PCDHB7: variants seen among roughly 807,000 people sequenced by gnomAD.
The protein encoded by PCDHB7 is protocadherin beta-7.
For missense variants in PCDHB7, 1,148 were observed against 1,011.6 expected (o/e 1.13, Z -1.83); for synonymous variants, 542 against 463.1 (o/e 1.17, Z -2.19).
rs1484163115 is a variant in PCDHB7, at chr5:141,176,003, T to C, written c.*786T>C. The C allele has an allele frequency of 6.0e-6, 1 of 167,272 alleles. No homozygotes were observed. The highest frequency in any genetic ancestry group is 1.5e-5 in the Non-Finnish European group (1 of 68,228). The allele number at this position is 167,272 out of a possible 1,614,324, so 10.4% of individuals were successfully genotyped here. A position where few individuals can be genotyped will look rare whatever the true frequency, so the allele number is the denominator to read the frequency against. ...TTTTCAACTATTATTACTAATGCTCTGATCTGTCCAAACTCAAGCGGAAAA... is the reference window on the plus strand; with the variant it reads ...TTTTCAACTATTATTACTAATGCTCCGATCTGTCCAAACTCAAGCGGAAAA... On this transcript the variant is annotated 3_prime_UTR_variant, in exon 1 of 1. Coordinates refer to ENST00000231137, the MANE Select transcript of PCDHB7 (RefSeq NM_018940.4).
Position 141,175,600 on chromosome 5 carries a change from T to A in PCDHB7, c.*383T>A, listed in dbSNP as rs1222067145. ...TGTAGAGTATCTTTTTAAGCATTTT[T>A]AAAAAATGCTTTTAATGCATCATAC... is the stretch of plus-strand genomic sequence containing the variant. On this transcript the variant is annotated 3_prime_UTR_variant, in exon 1 of 1. Transcript: ENST00000231137. 5 of 225,146 alleles carry A rather than the reference T, an allele frequency of 2.2e-5. No homozygotes were observed. Among genetic ancestry groups the A allele is most frequent in the East Asian group, 1.4e-4 (1 of 7,006 alleles). The allele number at this position is 225,146 out of a possible 1,614,324, so 13.9% of individuals were successfully genotyped here. A position where few individuals can be genotyped will look rare whatever the true frequency, so the allele number is the denominator to read the frequency against.
In PCDHB7 at chr5:141,174,058, C is replaced by T. The variant is rs1554280140; in HGVS notation, c.1223C>T (p.Pro408Leu). 1 of 1,614,038 alleles carries T rather than the reference C, an allele frequency of 6.2e-7. No individual in the cohort carries two copies. The highest frequency in any genetic ancestry group is 1.7e-5 in the Admixed American group (1 of 60,028). ...ENFYTLVTEK[P>L]LDRERNTEYN... ...TTCTATACTCTGGTAACAGAGAAAC[C>T]TTTGGATCGAGAGAGGAACACTGAG... Residue 408 changes from proline (P) to leucine (L), a missense_variant, in exon 1 of 1, where the codon CCT becomes CTT. Physicochemically the swap from Pro to Leu is moderately conservative, Grantham distance 98. Coordinates refer to ENST00000231137, the MANE Select transcript of PCDHB7 (RefSeq NM_018940.4).
In PCDHB7 at chr5:141,174,846, C is replaced by A. The variant is rs1554280352; in HGVS notation, c.2011C>A (p.Leu671Met). ...LLVDGFSQPY[L>M]RLPEAAPDQA... ...GGTGGACGGCTTCTCCCAGCCCTAC[C>A]TGCGGCTCCCGGAGGCGGCCCCGGA... Residue 671 changes from leucine to methionine, a missense_variant, in exon 1 of 1, where the codon CTG becomes ATG. Leu to Met is a conservative substitution (Grantham distance 15). Coordinates refer to ENST00000231137, the MANE Select transcript of PCDHB7 (RefSeq NM_018940.4). The A allele has an allele frequency of 6.2e-7, 1 of 1,612,630 alleles. No individual in the cohort carries two copies. Among genetic ancestry groups the A allele is most frequent in the Non-Finnish European group, 8.5e-7 (1 of 1,179,818 alleles).
rs782162956 is a variant in PCDHB7 at position 141,173,748 on chromosome 5, G to C, written c.913G>C (p.Ala305Pro). Residue 305 changes from alanine to proline, a missense_variant, in exon 1 of 1, where the codon GCG (alanine) becomes CCG (proline). Ala to Pro is a conservative substitution (Grantham distance 27). Transcript: ENST00000231137. ...AACATCTGGCAGTCTTCATCTTAAA[G>C]CGCAATTGGACTATGAGGCAATTCA... is the stretch of plus-strand genomic sequence containing the variant. ...NPTSGSLHLK[A>P]QLDYEAIQTY... 1 of 1,613,840 alleles carries C rather than the reference G, an allele frequency of 6.2e-7. No individual in the cohort carries two copies. Among genetic ancestry groups the C allele is most frequent in the Non-Finnish European group, 8.5e-7 (1 of 1,179,920 alleles).
In PCDHB7 at chr5:141,172,742, T is replaced by C; in HGVS notation, c.-94T>C. 4.1e-6 allele frequency: 4 copies of C among 984,720 alleles called. No homozygotes were observed. The East Asian group carries it at 7.2e-5, about 18-fold the overall frequency. 61.0% of individuals were successfully genotyped at this position (984,720 alleles called of 1,614,324 possible). A position where few individuals can be genotyped will look rare whatever the true frequency, so the allele number is the denominator to read the frequency against. ...GATCCTTCCCCACAAACATTGCTATTATTCAGCTCATTTCAAAGGATTCCG... is the reference window on the plus strand; with the variant it reads ...GATCCTTCCCCACAAACATTGCTATCATTCAGCTCATTTCAAAGGATTCCG... On this transcript the variant is annotated 5_prime_UTR_variant, in exon 1 of 1. Coordinates refer to ENST00000231137, the MANE Select transcript of PCDHB7 (RefSeq NM_018940.4).
In PCDHB7 at chr5:141,172,740, A is replaced by C; in HGVS notation, c.-96A>C. Reference sequence around the variant, plus strand: ...AGGATCCTTCCCCACAAACATTGCTATTATTCAGCTCATTTCAAAGGATTC... The same window carrying C: ...AGGATCCTTCCCCACAAACATTGCTCTTATTCAGCTCATTTCAAAGGATTC... On this transcript the variant is annotated 5_prime_UTR_variant, in exon 1 of 1. Transcript: ENST00000231137. 1 of 964,536 alleles carries C rather than the reference A, an allele frequency of 1.0e-6. No homozygotes were observed. Among genetic ancestry groups the C allele is most frequent in the South Asian group, 1.6e-5 (1 of 62,084 alleles). 59.7% of individuals were successfully genotyped at this position (964,536 alleles called of 1,614,324 possible).
At position 141,172,656 on chromosome 5, in the gene PCDHB7, C is replaced by A. The variant is rs538557000; in HGVS notation, c.-180C>A. ...TGTTACAGATTCCAGAGCAAAGAGG[C>A]AATCTGAAGAGAAAAGCATAGGAAA... On this transcript the variant is annotated 5_prime_UTR_variant, in exon 1 of 1. Coordinates refer to ENST00000231137, the MANE Select transcript of PCDHB7 (RefSeq NM_018940.4). 3.7e-6 allele frequency: 2 copies of A among 534,744 alleles called. No homozygotes were observed. Among genetic ancestry groups the A allele is most frequent in the Non-Finnish European group, 6.6e-6 (2 of 304,388 alleles). The allele number at this position is 534,744 out of a possible 1,614,324, so 33.1% of individuals were successfully genotyped here. A position where few individuals can be genotyped will look rare whatever the true frequency, so the allele number is the denominator to read the frequency against.
In PCDHB7 at chr5:141,174,089, C is replaced by T; in HGVS notation, c.1254C>T (p.Asn418=). ...ATCGAGAGAGGAACACTGAGTACAA[C>T]ATCACCATCACCGTCACCGACTTGG... The part of the protein sequence containing the change: ...PLDRERNTEY[N]ITITVTDLGT... The change falls in exon 1 of 1, where the codon AAC becomes AAT. Residue 418 remains asparagine, a synonymous_variant. Coordinates refer to ENST00000231137, the MANE Select transcript of PCDHB7 (RefSeq NM_018940.4). 1 of 1,614,132 alleles carries T rather than the reference C, an allele frequency of 6.2e-7. No individual in the cohort carries two copies. The highest frequency in any genetic ancestry group is 1.1e-5 in the South Asian group (1 of 91,078).
chr5:141,173,833 T>C lies in PCDHB7; in HGVS notation c.998T>C (p.Val333Ala), dbSNP rs367832578. ...DGGGLSGKCT[V>A]VVDVTDINDN... ...GGCGGGCTTTCTGGAAAATGCACTGTAGTGGTTGATGTAACAGATATAAAC... is the reference window on the plus strand; with the variant it reads ...GGCGGGCTTTCTGGAAAATGCACTGCAGTGGTTGATGTAACAGATATAAAC... Residue 333 changes from valine (V) to alanine (A), a missense_variant, in exon 1 of 1, where the codon GTA becomes GCA. Val to Ala is a moderately conservative substitution (Grantham distance 64, BLOSUM62 0). Coordinates refer to ENST00000231137, the MANE Select transcript of PCDHB7 (RefSeq NM_018940.4). 12 of 1,614,076 alleles carry C rather than the reference T, an allele frequency of 7.4e-6. No homozygotes were observed. Among genetic ancestry groups the C allele is most frequent in the Non-Finnish European group, 9.3e-6 (11 of 1,180,034 alleles).
chr5:141,173,008 A>T lies in PCDHB7; in HGVS notation c.173A>T (p.Glu58Val), dbSNP rs199980382. The T allele has an allele frequency of 5.5e-5, 89 of 1,613,948 alleles. No individual in the cohort carries two copies. The highest frequency in any genetic ancestry group is 6.7e-5 in the Non-Finnish European group (79 of 1,180,018). The change falls in exon 1 of 1, where the codon GAA (glutamate) becomes GTA (valine). Residue 58 changes from glutamate to valine, a missense_variant. Physicochemically the swap from Glu to Val is moderately radical, Grantham distance 121 (BLOSUM62 -2). Transcript: ENST00000231137. ...AAAGACCTAGGGTTAGGGGTAGGGG[A>T]ACTGAGAGCCCGGGGAACTAGAATT... The part of the protein sequence containing the change: ...LAKDLGLGVG[E>V]LRARGTRIVS...
In PCDHB7 at chr5:141,173,347, C is replaced by A; in HGVS notation, c.512C>A (p.Thr171Asn). ...GGAACCAACAGCCTGAGTAACTACA[C>A]CATCAGCCCCAATGCCTATTTCCAT... ...DVGTNSLSNY[T>N]ISPNAYFHIN... Residue 171 changes from threonine (T) to asparagine (N), a missense_variant, in exon 1 of 1, where the codon ACC becomes AAC. By Grantham distance (65) the Thr-to-Asn change is moderately conservative. Transcript: ENST00000231137. The A allele has an allele frequency of 6.2e-7, 1 of 1,613,792 alleles. No homozygotes were observed. The highest frequency in any genetic ancestry group is 8.5e-7 in the Non-Finnish European group (1 of 1,179,814).
At position 141,173,207 on chromosome 5, in the gene PCDHB7, A is replaced by G. The variant is rs17844448; in HGVS notation, c.372A>G (p.Arg124=). 2 of 1,614,142 alleles carry G rather than the reference A, an allele frequency of 1.2e-6. No homozygotes were observed. Among genetic ancestry groups the G allele is most frequent in the East Asian group, 2.2e-5 (1 of 44,886 alleles). The part of the protein sequence containing the change: ...FQIFRAELWV[R]DINDHAPVFL... ...TTTTCCGTGCTGAACTATGGGTCAG[A>G]GACATCAATGATCACGCTCCAGTAT... Residue 124 remains arginine, a synonymous_variant, in exon 1 of 1, where the codon AGA becomes AGG. Transcript: ENST00000231137.
rs1554280217 is a variant in PCDHB7 at position 141,174,329 on chromosome 5, G to C, written c.1494G>C (p.Leu498=). The C allele has an allele frequency of 1.5e-5, 24 of 1,612,938 alleles. No individual in the cohort carries two copies. Among genetic ancestry groups the C allele is most frequent in the Non-Finnish European group, 1.9e-5 (22 of 1,179,900 alleles). Residue 498 remains leucine, a synonymous_variant, in exon 1 of 1, where the codon CTG becomes CTC. Coordinates refer to ENST00000231137, the MANE Select transcript of PCDHB7 (RefSeq NM_018940.4). ...TGCTGCCGTCCCAGGACCCGCACCT[G>C]CCCCTCGCCTCCCTGGTCTCCATCA... ...YSLLPSQDPH[L]PLASLVSINA... is the part of the protein sequence containing the mutation.
At position 141,175,444 on chromosome 5, in the gene PCDHB7, C is replaced by T; in HGVS notation, c.*227C>T. ...ATGTCAAACAATTATGCTTAATATA[C>T]AGTCTATTAAATGTAAGTCTTGTTT... On this transcript the variant is annotated 3_prime_UTR_variant, in exon 1 of 1. Coordinates refer to ENST00000231137, the MANE Select transcript of PCDHB7 (RefSeq NM_018940.4). 1 of 593,156 alleles carries T rather than the reference C, an allele frequency of 1.7e-6. No individual in the cohort carries two copies. The highest frequency in any genetic ancestry group is 2.8e-6 in the Non-Finnish European group (1 of 353,106). The allele number at this position is 593,156 out of a possible 1,614,324, so 36.7% of individuals were successfully genotyped here.
rs1554280120 is a variant in PCDHB7 at position 141,174,009 on chromosome 5, A to C, written c.1174A>C (p.Ile392Leu). The C allele has an allele frequency of 6.2e-7, 1 of 1,614,182 alleles. No individual in the cohort carries two copies. The highest frequency in any genetic ancestry group is 1.3e-5 in the African/African-American group (1 of 75,048). Residue 392 changes from isoleucine (I) to leucine (L), a missense_variant, in exon 1 of 1, where the codon ATC becomes CTC. Ile to Leu is a conservative substitution (Grantham distance 5, BLOSUM62 2). Coordinates refer to ENST00000231137, the MANE Select transcript of PCDHB7 (RefSeq NM_018940.4). ...VCSIQDDVPF[I>L]LKPSVENFYT... ...CTCCATCCAGGACGATGTCCCCTTCATCCTGAAGCCATCTGTCGAAAACTT... is the reference window on the plus strand; with the variant it reads ...CTCCATCCAGGACGATGTCCCCTTCCTCCTGAAGCCATCTGTCGAAAACTT...
At position 141,175,066 on chromosome 5, in the gene PCDHB7, C is replaced by A. The variant is rs1419877574; in HGVS notation, c.2231C>A (p.Ser744Tyr). Residue 744 changes from serine (S) to tyrosine (Y), a missense_variant, in exon 1 of 1, where the codon TCC becomes TAC. Coordinates refer to ENST00000231137, the MANE Select transcript of PCDHB7 (RefSeq NM_018940.4). ...LVDLSGTGTL[S>Y]QSYQYEVCLT... ...GACTTGAGCGGCACCGGGACCCTAT[C>A]CCAGAGCTACCAGTATGAGGTGTGC... 2 of 1,614,258 alleles carry A rather than the reference C, an allele frequency of 1.2e-6. No homozygotes were observed. Among genetic ancestry groups the A allele is most frequent in the East Asian group, 2.2e-5 (1 of 44,878 alleles).
rs782229983 is a variant in PCDHB7, at chr5:141,173,625, G to T, written c.790G>T (p.Val264Leu). The stretch of plus-strand genomic sequence containing the variant: ...CCCCGTTGGTTCCATGGTTGTCTCC[G>T]TGTCAGCCAGAGATTTAGATACCGG... ...NSPVGSMVVS[V>L]SARDLDTGSN... The change falls in exon 1 of 1, where the codon GTG (valine) becomes TTG (leucine). Residue 264 changes from valine (V) to leucine (L), a missense_variant. Physicochemically the swap from Val to Leu is conservative, Grantham distance 32. Transcript: ENST00000231137. 4.3e-6 allele frequency: 7 copies of T among 1,614,018 alleles called. No homozygotes were observed. The Admixed American group carries it at 6.7e-5, about 15-fold the overall frequency.
In PCDHB7 at chr5:141,173,605, T is replaced by A. The variant is rs1268680490; in HGVS notation, c.770T>A (p.Val257Asp). Reference protein sequence around the residue: ...YKVQVPENSPVGSMVVSVSAR... With the variant: ...YKVQVPENSPDGSMVVSVSAR... ...GTGCAGGTGCCCGAAAATAGCCCCG[T>A]TGGTTCCATGGTTGTCTCCGTGTCA... The change falls in exon 1 of 1, where the codon GTT (valine) becomes GAT (aspartate). Residue 257 changes from valine (V) to aspartate (D), a missense_variant. Val to Asp is a radical substitution (Grantham distance 152, BLOSUM62 -3). Coordinates refer to ENST00000231137, the MANE Select transcript of PCDHB7 (RefSeq NM_018940.4). The A allele has an allele frequency of 6.2e-7, 1 of 1,614,060 alleles. No individual in the cohort carries two copies. The highest frequency in any genetic ancestry group is 8.5e-7 in the Non-Finnish European group (1 of 1,180,044).
rs782369738 is a variant in PCDHB7, at chr5:141,174,362, C to T, written c.1527C>T (p.Asp509=). The change falls in exon 1 of 1, where the codon GAC becomes GAT. Residue 509 remains aspartate (D), a synonymous_variant. Transcript: ENST00000231137. The part of the protein sequence containing the change: ...PLASLVSINA[D]NGHLFALRSL... ...CCTCCCTGGTCTCCATCAACGCGGA[C>T]AACGGCCACCTGTTTGCCCTCAGGT... is the stretch of plus-strand genomic sequence containing the variant. 6.2e-7 allele frequency: 1 copy of T among 1,612,824 alleles called. No homozygotes were observed. The highest frequency in any genetic ancestry group is 8.5e-7 in the Non-Finnish European group (1 of 1,179,878).
Sources: gnomAD v4.1 joint callset for allele counts on GRCh38, gnomAD v4.1.1 for gene constraint, MANE v1.5 for transcripts, NCBI Gene and HGNC (gene_info 2026-07-23, HGNC 2026-07-21) for gene names.